Variants in RNF25 observed in about 807,000 individuals in gnomAD.
The protein encoded by RNF25 is ring finger protein 25, also known as E3 ubiquitin-protein ligase RNF25.
In RNF25, 32 loss-of-function variants were observed where a neutral mutation model predicts 65.0. The ratio of observed to expected loss-of-function variants is 0.49; its 90% CI spans 0.37 to 0.66. The LOEUF is 0.66. RNF25 is among the 30% of genes least tolerant of loss of function. The probability of loss-of-function intolerance (pLI) is 0.00; values close to 1 mark genes in which losing one functional copy is unlikely to be tolerated. For synonymous variants in RNF25, 207 were observed against 221.2 expected, an observed-to-expected ratio of 0.94 and a Z score of 0.57; for missense variants, 493 against 584.8, an observed-to-expected ratio of 0.84 and a Z score of 1.62.
rs2106335090 is a variant in RNF25, at chr2:218,664,602, T to A, written c.802-67A>T. The stretch of plus-strand genomic sequence containing the variant: ...CTCAAGGTGGGGAACTACAGGCCCC[T>A]CTCCTACTATCTGGGCTGACCACGA... On this transcript the variant is annotated intron_variant, in intron 9 of 9. Transcript: ENST00000295704. The surrounding 1 kb of genome is among the most constrained non-coding windows in gnomAD (Gnocchi z 5.1). 4 of 1,572,934 alleles carry A rather than the reference T, an allele frequency of 2.5e-6. No homozygotes were observed. The South Asian group carries it at 3.5e-5, about 14-fold the overall frequency.
chr2:218,670,425 G>A (rs34734099), intron 1 of RNF25, among the ~76,000 whole-genome samples: 17,466 of 151,290 alleles, frequency 0.12, 1,958 homozygotes, highest in African/African-American at 0.3. Context: ...GCCGGGCGCG[G>A]TGGCTCAGGC....
chr2:218,664,774 C>A lies in RNF25; in HGVS notation c.766G>T (p.Ala256Ser), dbSNP rs1016245090. The A allele has an allele frequency of 6.2e-7, 1 of 1,614,246 alleles. No individual in the cohort carries two copies. ...CTGATGAAGTATCGGTTTCGCTCAG[C>A]CTCAAGGTCAATGATTCCCCCCCGC... is the stretch of plus-strand genomic sequence containing the variant. ...QERGGIIDLEAERNRYFISLQ... is the reference protein window; with the variant it reads ...QERGGIIDLESERNRYFISLQ... Residue 256 changes from alanine (A) to serine (S), a missense_variant, in exon 9 of 10, where the codon GCT becomes TCT. By Grantham distance (99) the Ala-to-Ser change is moderately conservative. Coordinates refer to ENST00000295704, the MANE Select transcript of RNF25 (RefSeq NM_022453.3). The surrounding 1 kb of genome is among the most constrained non-coding windows in gnomAD (Gnocchi z 5.1).
intron 1 of RNF25, among the ~76,000 whole-genome samples, chr2:218,671,176 A>C (rs1939957785): frequency 6.6e-6 from 1 of 152,154 alleles, no homozygotes; most frequent in Admixed American, 6.6e-5. Context: ...TGTCTCAAAA[A>C]ACAAAACAAA....
At chr2:218,669,496 T>C (rs1284125907) in intron 1 of RNF25, among the ~76,000 whole-genome samples, 1 of 152,188 alleles carries the variant, frequency 6.6e-6, no homozygotes, top group Non-Finnish European at 1.5e-5. Flanking sequence ...AAGGAGGTAA[T>C]AGAGTACTCT....
Position 218,668,676 on chromosome 2 carries a change from G to A in RNF25, c.45C>T (p.Val15=), listed in dbSNP as rs202213415. 1.6e-5 allele frequency: 26 copies of A among 1,605,356 alleles called. No individual in the cohort carries two copies. The highest frequency in any genetic ancestry group is 4.0e-5 in the African/African-American group (3 of 74,540). Residue 15 remains valine (V), a synonymous_variant, in exon 2 of 10, where the codon GTC becomes GTT. Coordinates refer to ENST00000295704, the MANE Select transcript of RNF25 (RefSeq NM_022453.3). ...ASAAAGEEDW[V]LPSEVEVLES... is the part of the protein sequence containing the mutation. ...CCAATACTTCAACTTCAGAGGGAAGGACCCTAGAGAGACAGGAGTAGACTA... is the reference window on the plus strand; with the variant it reads ...CCAATACTTCAACTTCAGAGGGAAGAACCCTAGAGAGACAGGAGTAGACTA...
In RNF25 at chr2:218,668,307, G is replaced by T. The variant is rs2106337034; in HGVS notation, c.151C>A (p.Pro51Thr). The change falls in exon 3 of 10, where the codon CCT (proline) becomes ACT (threonine). Residue 51 changes from proline (P) to threonine (T), a missense_variant. By Grantham distance (38) the Pro-to-Thr change is conservative. Transcript: ENST00000295704. Reference sequence around the variant, plus strand: ...GAATCCTGGTCCTCTGCAGTGGCAGGATGCAAAGTGATGTAGATCTCCCAT... The same window carrying T: ...GAATCCTGGTCCTCTGCAGTGGCAGTATGCAAAGTGATGTAGATCTCCCAT... ...SPWEIYITLH[P>T]ATAEDQDSQY... 1 of 1,586,516 alleles carries T rather than the reference G, an allele frequency of 6.3e-7. No homozygotes were observed. The highest frequency in any genetic ancestry group is 8.6e-7 in the Non-Finnish European group (1 of 1,163,464).
rs780155146 is a variant in RNF25, at chr2:218,666,232, T to C, written c.358-2A>G. On this transcript the variant is annotated splice_acceptor_variant, in intron 5 of 9. Transcript: ENST00000295704. LOFTEE classifies it high-confidence loss of function. Reference sequence around the variant, plus strand: ...ATCTGTGAGAATTTCCTTCCCTTTCTGAGGAGAGAAGACACTGATTAAACG... The same window carrying C: ...ATCTGTGAGAATTTCCTTCCCTTTCCGAGGAGAGAAGACACTGATTAAACG... The C allele has an allele frequency of 3.1e-6, 5 of 1,612,368 alleles. No homozygotes were observed. The highest frequency in any genetic ancestry group is 4.2e-6 in the Non-Finnish European group (5 of 1,178,674).
intron 1 of RNF25, among the ~76,000 whole-genome samples, 195 bp downstream of exon 1, chr2:218,671,735 G>C (rs1939981263): frequency 6.6e-6 from 1 of 152,122 alleles, no homozygotes. Flanking sequence ...GCGCCGACCC[G>C]TTCTCCTCTC....
rs1372902791 is a variant in RNF25, at chr2:218,664,162, T to G, written c.1175A>C (p.Gln392Pro). Residue 392 changes from glutamine (Q) to proline (P), a missense_variant, in exon 10 of 10, where the codon CAA becomes CCA. By Grantham distance (76) the Gln-to-Pro change is moderately conservative (BLOSUM62 -1). Transcript: ENST00000295704. This position sits in a 1 kb window ranked among gnomAD's most constrained non-coding sequence, Gnocchi z 5.1. ...CTCTTGTGGAGGACCTTCAACTCCT[T>G]GGCTATGGGGTTCTGGCTTTAGGTC... ...PMDLKPEPHS[Q>P]GVEGPPQEKG... The G allele has an allele frequency of 2.6e-6, 4 of 1,555,412 alleles. No individual in the cohort carries two copies. The East Asian group carries it at 6.7e-5, about 26-fold the overall frequency.
intron 5 of RNF25, 131 bp downstream of exon 5, chr2:218,667,781 C>G: frequency 1.3e-6 from 1 of 786,576 alleles, no homozygotes. Flanking sequence ...TCTCATTTCT[C>G]TGGATTAATT....
At chr2:218,671,734 C>G (rs961351017) in intron 1 of RNF25, among the ~76,000 whole-genome samples, 196 bp downstream of exon 1, 8 of 152,192 alleles carry the variant, frequency 5.3e-5, no homozygotes, top group Non-Finnish European at 1.0e-4. Context: ...GGCGCCGACC[C>G]GTTCTCCTCT....
At chr2:218,668,541 A>T (rs1939885804) in intron 2 of RNF25, 64 bp downstream of exon 2, 2 of 1,246,116 alleles carry the variant, frequency 1.6e-6, no homozygotes, top group African/African-American at 3.0e-5. Flanking sequence ...TAAGACCCAA[A>T]TTCAGCATAG....
rs1190634664 is a variant in RNF25 at position 218,671,979 on chromosome 2, C to T, written c.-9G>A. The T allele has an allele frequency of 1.9e-6, 3 of 1,614,222 alleles. No homozygotes were observed. Among genetic ancestry groups the T allele is most frequent in the Non-Finnish European group, 2.5e-6 (3 of 1,180,030 alleles). Reference sequence around the variant, plus strand: ...GACGCAGACGCCGCCATATCTTCACCGGCCCGCAGCCGGAACCGGAAATGC... The same window carrying T: ...GACGCAGACGCCGCCATATCTTCACTGGCCCGCAGCCGGAACCGGAAATGC... On this transcript the variant is annotated 5_prime_UTR_variant, in exon 1 of 10. Coordinates refer to ENST00000295704, the MANE Select transcript of RNF25 (RefSeq NM_022453.3).
intron 5 of RNF25, among the ~76,000 whole-genome samples, chr2:218,667,499 C>T (rs574052278): frequency 2.6e-5 from 4 of 152,024 alleles, no homozygotes; most frequent in African/African-American, 9.6e-5. Context: ...TACAAATGCC[C>T]GCCACCGTGC....
chr2:218,665,783 T>C, intron 7 of RNF25, 133 bp downstream of exon 7: 1 of 1,154,342 alleles, frequency 8.7e-7, no homozygotes, highest in Non-Finnish European at 1.2e-6. Flanking sequence ...TGGACAGAGG[T>C]AAGAGTTCAT....
At chr2:218,671,813 G>T in intron 1 of RNF25, 117 bp downstream of exon 1, 1 of 1,107,960 alleles carries the variant, frequency 9.0e-7, no homozygotes, top group Non-Finnish European at 1.3e-6. Flanking sequence ...CAGCATCTCT[G>T]CCATCCCTCA....
chr2:218,667,571 T>TA (rs1290569612), intron 5 of RNF25, among the ~76,000 whole-genome samples: 1 of 152,180 alleles, frequency 6.6e-6, no homozygotes, highest in Non-Finnish European at 1.5e-5. Flanking sequence ...AATGTTCATT[T>TA]ATGGCTAAGA....
At position 218,669,736 on chromosome 2, in the gene RNF25, T is replaced by C. The variant is rs188142807; in HGVS notation, c.42-1057A>G. Among the ~76,000 whole-genome samples the C allele has an allele frequency of 1.1e-3, 163 of 152,366 alleles. 1 individual carries two copies. Among genetic ancestry groups the C allele is most frequent in the Admixed American group, 2.7e-3 (42 of 15,306 alleles). ...TCCCTCTTCATTCTAAGAGTAAGGC[T>C]GCCCCAGCACGACCTATGTCAGTGT... On this transcript the variant is annotated intron_variant, in intron 1 of 9. Transcript: ENST00000295704.
At chr2:218,671,888 T>C (rs779293714) in intron 1 of RNF25, 42 bp downstream of exon 1, 17 of 1,612,686 alleles carry the variant, frequency 1.1e-5, no homozygotes, top group Non-Finnish European at 1.3e-5. Context: ...GCCTCTGGAC[T>C]AGATCCAGGC....
Sources: allele counts gnomAD v4.1 joint callset (sites outside exome capture counted in the v4.1 genomes callset), GRCh38; gene constraint gnomAD v4.1.1; non-coding constraint Gnocchi (gnomAD v3.1); transcripts MANE v1.5; gene names NCBI Gene and HGNC (gene_info 2026-07-23, HGNC 2026-07-21).